Variants in EIF5B observed in about 807,000 individuals in gnomAD.
The protein encoded by EIF5B is eIF-5B.
In EIF5B, 47 loss-of-function variants were observed where a neutral mutation model predicts 147.5. That is an observed-to-expected ratio of 0.32 (90% CI 0.25 to 0.41). The LOEUF (loss-of-function observed/expected upper bound fraction) is 0.41. Ranked by LOEUF, EIF5B falls within the 10% of genes least tolerant of loss-of-function variation. The pLI is 1.00. For missense variants in EIF5B, 1,064 were observed against 1,413.2 expected, an observed-to-expected ratio of 0.75 and a Z score of 3.96; for synonymous variants, 455 against 456.2, an observed-to-expected ratio of 1.00 and a Z score of 0.03.
chr2:99,360,699 TAGGAATGTAA>T (rs60489297), intron 3 of EIF5B, 150 bp downstream of exon 3: 261,510 of 643,782 alleles, frequency 0.41, 58,095 homozygotes, highest in East Asian at 0.63. Flanking sequence ...AAGGGAAAAA[TAGGAATGTAA>T]AGGTATTTTG....
At chr2:99,339,884 T>G (rs2094256000) in intron 1 of EIF5B, among the ~76,000 whole-genome samples, 2 of 152,198 alleles carry the variant, frequency 1.3e-5, no homozygotes, top group South Asian at 4.1e-4. Flanking sequence ...AAATGCTGTT[T>G]TTTCCCCCTC....
intron 4 of EIF5B, among the ~76,000 whole-genome samples, chr2:99,362,669 AG>A (rs1674244005): frequency 6.6e-6 from 1 of 152,148 alleles, no homozygotes; most frequent in South Asian, 2.1e-4. Context: ...ACTGCACTCC[AG>A]CCTGGGCAAC....
chr2:99,379,504 G>A (rs1674644575), intron 12 of EIF5B, 76 bp downstream of exon 12: 1 of 1,146,490 alleles, frequency 8.7e-7, no homozygotes, highest in Non-Finnish European at 1.2e-6. Context: ...ATAGAAAAAG[G>A]ACAGAGACTA....
At chr2:99,391,408 A>G (rs984408629) in intron 17 of EIF5B, among the ~76,000 whole-genome samples, 10 of 152,162 alleles carry the variant, frequency 6.6e-5, no homozygotes, top group Non-Finnish European at 1.2e-4. Context: ...TAACATTTTT[A>G]ATTGTGAAAT....
At position 99,379,060 on chromosome 2, in the gene EIF5B, G is replaced by A. The variant is rs1188883025; in HGVS notation, c.1884G>A (p.Lys628=). 1.3e-6 allele frequency: 2 copies of A among 1,596,540 alleles called. No homozygotes were observed. The highest frequency in any genetic ancestry group is 4.5e-5 in the East Asian group (2 of 44,528). ...ATAGTAAAAATGTAAACACCGAAAA[G>A]CTAAGAGCCCCTATTATCTGCGTAC... The part of the protein sequence containing the change: ...LEHSKNVNTE[K]LRAPIICVLG... The change falls in exon 11 of 24, where the codon AAG becomes AAA. Residue 628 remains lysine, a synonymous_variant. Coordinates refer to ENST00000289371, the MANE Select transcript of EIF5B (RefSeq NM_015904.4).
intron 1 of EIF5B, among the ~76,000 whole-genome samples, chr2:99,355,399 T>C (rs907137332): frequency 3.3e-5 from 5 of 152,148 alleles, no homozygotes; most frequent in Non-Finnish European, 5.9e-5. Flanking sequence ...TCATCTTTAC[T>C]GTGTTGAGTC....
chr2:99,343,565 C>A (rs2094265506), intron 1 of EIF5B, among the ~76,000 whole-genome samples: 1 of 151,894 alleles, frequency 6.6e-6, no homozygotes, highest in Non-Finnish European at 1.5e-5. Flanking sequence ...TGCCTGTAAT[C>A]CCAGCACTTT....
intron 9 of EIF5B, among the ~76,000 whole-genome samples, chr2:99,372,663 T>C (rs1201336956): frequency 2.0e-5 from 3 of 152,184 alleles, no homozygotes; most frequent in Non-Finnish European, 4.4e-5. Flanking sequence ...TTTACAAAAA[T>C]GGGCATTTTC....
At chr2:99,390,160 C>T in intron 15 of EIF5B, 59 bp from the exon 16 acceptor site, 1 of 1,594,928 alleles carries the variant, frequency 6.3e-7, no homozygotes, top group Non-Finnish European at 8.6e-7. Flanking sequence ...TAGTGAGGCA[C>T]ACCTATTCCA....
At chr2:99,358,213 T>C (rs1042108238) in intron 1 of EIF5B, among the ~76,000 whole-genome samples, 2 of 152,110 alleles carry the variant, frequency 1.3e-5, no homozygotes, top group Admixed American at 1.3e-4. Context: ...ACAAGAGGCA[T>C]GCGCCACCAT....
At chr2:99,362,387 C>G (rs967434028) in intron 4 of EIF5B, among the ~76,000 whole-genome samples, 8 of 152,146 alleles carry the variant, frequency 5.3e-5, no homozygotes, top group Non-Finnish European at 1.2e-4. Context: ...AGATGGTTTG[C>G]ATGGCCATAC....
intron 17 of EIF5B, 114 bp downstream of exon 17, chr2:99,390,819 C>A: frequency 9.2e-7 from 1 of 1,090,862 alleles, no homozygotes; most frequent in Non-Finnish European, 1.3e-6. Context: ...ACACATACAT[C>A]CCTCGCTCTC....
intron 9 of EIF5B, among the ~76,000 whole-genome samples, chr2:99,374,982 T>C (rs1042775361): frequency 6.6e-6 from 1 of 152,168 alleles, no homozygotes; most frequent in African/African-American, 2.4e-5. Flanking sequence ...CTTGGCTCTT[T>C]CTATTCTGAG....
In EIF5B at chr2:99,396,743, T is replaced by C; in HGVS notation, c.3255-17T>C. 1 of 1,580,844 alleles carries C rather than the reference T, an allele frequency of 6.3e-7. No homozygotes were observed. Among genetic ancestry groups the C allele is most frequent in the Non-Finnish European group, 8.5e-7 (1 of 1,170,192 alleles). On this transcript the variant is annotated splice_polypyrimidine_tract_variant and intron_variant, in intron 21 of 23. Transcript: ENST00000289371. ...GTGATTCTGTAAGCTTAAAATTCTT[T>C]TCTTTTTTCCTTTCAGGCACATAGC...
intron 21 of EIF5B, 102 bp from the exon 22 acceptor site, chr2:99,396,658 C>T (rs1311387191): frequency 1.4e-6 from 2 of 1,427,580 alleles, no homozygotes; most frequent in African/African-American, 2.9e-5. Flanking sequence ...CTGGGGAAAG[C>T]TGCTTTCCTC....
intron 6 of EIF5B, among the ~76,000 whole-genome samples, 198 bp downstream of exon 6, chr2:99,364,619 T>G (rs1160578011): frequency 6.6e-6 from 1 of 152,314 alleles, no homozygotes; most frequent in East Asian, 1.9e-4. Flanking sequence ...GGATAAAAAT[T>G]TATATGTAAA....
intron 17 of EIF5B, 48 bp from the exon 18 acceptor site, chr2:99,392,919 T>C (rs1453041224): frequency 4.4e-6 from 6 of 1,362,484 alleles, no homozygotes; most frequent in South Asian, 2.2e-5. Flanking sequence ...CTTCTACTGC[T>C]AACCACTTTT....
chr2:99,389,310 A>T (rs999700339), intron 14 of EIF5B, among the ~76,000 whole-genome samples: 3 of 152,242 alleles, frequency 2.0e-5, no homozygotes, highest in African/African-American at 4.8e-5. Flanking sequence ...TAATTAAAAT[A>T]GGCTGTTCCC....
intron 9 of EIF5B, 138 bp downstream of exon 9, chr2:99,371,868 T>A: frequency 1.5e-6 from 1 of 683,616 alleles, no homozygotes; most frequent in Non-Finnish European, 2.1e-6. Flanking sequence ...TGTTCTCTCC[T>A]TTGCCATGGT....
Sources: allele counts gnomAD v4.1 joint callset (sites outside exome capture counted in the v4.1 genomes callset), GRCh38; gene constraint gnomAD v4.1.1; transcripts MANE v1.5; gene names NCBI Gene and HGNC (gene_info 2026-07-23, HGNC 2026-07-21).